The following RDX variants were observed in gnomAD, a reference collection of about 807,000 sequenced individuals.
RDX encodes deafness, autosomal recessive 24.
Under a neutral mutation model 83.7 loss-of-function variants are expected in RDX, and 32 were observed. The observed-to-expected ratio is 0.38, with a 90% confidence interval of 0.29 to 0.51. The LOEUF (loss-of-function observed/expected upper bound fraction) is 0.51, where lower values mean the gene tolerates loss of function less well. Among genes scored for constraint, RDX ranks in the 20% least tolerant of loss-of-function variants. The pLI, the probability that RDX is intolerant of heterozygous loss-of-function variation, is 0.87. For synonymous variants in RDX, 229 were observed against 222.7 expected (o/e 1.03, Z -0.25); for missense variants, 600 against 689.9 (o/e 0.87, Z 1.46).
At chr11:110,294,371 G>A (rs987503379) in intron 1 of RDX, among the ~76,000 whole-genome samples, 1 of 152,248 alleles carries the variant, frequency 6.6e-6, no homozygotes, top group African/African-American at 2.4e-5. Context: ...ATCACCCTGG[G>A]AGACAGAGCG....
At chr11:110,250,870 A>G (rs1859306457) in intron 9 of RDX, among the ~76,000 whole-genome samples, 3 of 152,232 alleles carry the variant, frequency 2.0e-5, no homozygotes, top group African/African-American at 7.2e-5. Flanking sequence ...CATTCAAATA[A>G]TACAAATGCC....
At position 110,231,112 on chromosome 11, in the gene RDX, C is replaced by CA. The variant is rs1864617707; in HGVS notation, c.*756_*757insT. 2 of 152,518 alleles carry CA rather than the reference C, an allele frequency of 1.3e-5. No individual in the cohort carries two copies. The highest frequency in any genetic ancestry group is 2.9e-5 in the Non-Finnish European group (2 of 68,060). 9.4% of individuals were successfully genotyped at this position (152,518 alleles called of 1,614,324 possible). A position where few individuals can be genotyped will look rare whatever the true frequency, so the allele number is the denominator to read the frequency against. ...TCTCCTAGGGAGCTACTACTGCTGTCTAAACCTCTGTGAAATGGTAGGCAA... is the reference window on the plus strand; with the variant it reads ...TCTCCTAGGGAGCTACTACTGCTGTCATAAACCTCTGTGAAATGGTAGGCAA... On this transcript the variant is annotated 3_prime_UTR_variant, in exon 14 of 14. Coordinates refer to ENST00000645495, the MANE Select transcript of RDX (RefSeq NM_002906.4).
chr11:110,247,806 TTTC>T lies in RDX; in HGVS notation c.984_986del (p.Lys329del), dbSNP rs772477286. ...CCTTTTCCTTTTCTGCTATTTCTCT[TTTC>T]TTCTTTTCATTCTCTAATTGTGCCC... is the stretch of plus-strand genomic sequence containing the variant. On this transcript the variant is annotated inframe_deletion, in exon 10 of 14. Transcript: ENST00000645495. The T allele has an allele frequency of 2.5e-6, 4 of 1,580,230 alleles. No individual in the cohort carries two copies. The highest frequency in any genetic ancestry group is 1.7e-6 in the Non-Finnish European group (2 of 1,162,294).
intron 3 of RDX, among the ~76,000 whole-genome samples, chr11:110,266,328 G>T (rs1297159321): frequency 1.3e-5 from 2 of 151,200 alleles, no homozygotes; most frequent in Non-Finnish European, 2.9e-5. Context: ...GCAAGACTCC[G>T]TCTCAAAAAA....
At chr11:110,199,449 T>C in intron 15 of RDX, 2 of 619,968 alleles carry the variant, frequency 3.2e-6, no homozygotes, top group East Asian at 2.8e-5. Flanking sequence ...TCCTTTGACT[T>C]GAAATCCACA....
intron 14 of RDX, among the ~76,000 whole-genome samples, chr11:110,200,888 A>C (rs921394326): frequency 2.0e-5 from 3 of 152,192 alleles, no homozygotes; most frequent in African/African-American, 4.8e-5. Flanking sequence ...TCTGGCTGGC[A>C]CTTTATTGTA....
At position 110,233,254 on chromosome 11, in the gene RDX, C is replaced by T; in HGVS notation, c.1570G>A (p.Val524Ile). The T allele has an allele frequency of 1.9e-6, 3 of 1,613,290 alleles. No homozygotes were observed. Among genetic ancestry groups the T allele is most frequent in the South Asian group, 1.1e-5 (1 of 91,048 alleles). ...RVTETQKNER[V>I]KKQLQALSSE... ...TTAAATACCTGAAGTTGCTTCTTAA[C>T]ACGCTCATTTTTCTGTGTTTCGGTT... Residue 524 changes from valine (V) to isoleucine (I), a missense_variant, in exon 13 of 14, where the codon GTT becomes ATT. Coordinates refer to ENST00000645495, the MANE Select transcript of RDX (RefSeq NM_002906.4).
chr11:110,242,063 G>A (rs1865119248), intron 10 of RDX, among the ~76,000 whole-genome samples: 1 of 152,136 alleles, frequency 6.6e-6, no homozygotes, highest in South Asian at 2.1e-4. Flanking sequence ...CAGAGTTTTA[G>A]TTTTACAAGA....
chr11:110,272,987 A>C (rs1860364675), intron 2 of RDX: 1 of 456,950 alleles, frequency 2.2e-6, no homozygotes, highest in Admixed American at 2.3e-5. Context: ...AGCACTTTGG[A>C]AGGCCAAGGT....
intron 14 of RDX, among the ~76,000 whole-genome samples, chr11:110,204,296 C>T (rs904108516): frequency 6.6e-6 from 1 of 150,618 alleles, no homozygotes; most frequent in African/African-American, 2.4e-5. Flanking sequence ...ATTCTCTACA[C>T]CAGCCAGAAA....
chr11:110,226,670 A>G (rs1210568399), downstream of RDX, among the ~76,000 whole-genome samples: 2 of 152,318 alleles, frequency 1.3e-5, no homozygotes, highest in South Asian at 2.1e-4. Flanking sequence ...ATTCAACTGT[A>G]AACTTTTAAC....
At chr11:110,280,884 G>GCTGGGCATGGTGGCT (rs1860734747) in intron 1 of RDX, among the ~76,000 whole-genome samples, 1 of 152,028 alleles carries the variant, frequency 6.6e-6, no homozygotes. Flanking sequence ...CATAACTAAG[G>GCTGGGCATGGTGGCT]CTGGGCATGG....
rs1859913572 is a variant in RDX at position 110,263,965 on chromosome 11, G to A, written c.462C>T (p.Pro154=). Residue 154 remains proline (P), a synonymous_variant, in exon 5 of 14, where the codon CCC becomes CCT. Transcript: ENST00000645495. The part of the protein sequence containing the change: ...PGYLANDRLL[P]QRVLEQHKLT... Reference sequence around the variant, plus strand: ...CAAACGCATGTTTCACTTACCGCTGGGGTAGGAGTCTATCATTAGCCAGGT... The same window carrying A: ...CAAACGCATGTTTCACTTACCGCTGAGGTAGGAGTCTATCATTAGCCAGGT... The A allele has an allele frequency of 1.9e-6, 3 of 1,613,170 alleles. No individual in the cohort carries two copies. Among genetic ancestry groups the A allele is most frequent in the African/African-American group, 1.3e-5 (1 of 74,994 alleles).
At chr11:110,193,187 T>TA (rs146628542) in intron 15 of RDX, among the ~76,000 whole-genome samples, 3 of 152,080 alleles carry the variant, frequency 2.0e-5, no homozygotes, top group African/African-American at 4.8e-5. Context: ...TATGCAGCCA[T>TA]AAAAAAGAAT....
At chr11:110,225,056 T>C (rs1017209468), downstream of RDX, among the ~76,000 whole-genome samples, 2 of 152,256 alleles carry the variant, frequency 1.3e-5, no homozygotes, top group Admixed American at 1.3e-4. Context: ...TTTATCATCC[T>C]ACAGTCAATG....
intron 15 of RDX, chr11:110,179,809 T>C (rs1269196236): frequency 5.2e-6 from 2 of 384,678 alleles, no homozygotes; most frequent in Non-Finnish European, 1.0e-5. Context: ...CAAGGTTAAG[T>C]TGTACCTGCA....
intron 7 of RDX, among the ~76,000 whole-genome samples, chr11:110,257,299 C>T (rs1236973622): frequency 6.6e-6 from 1 of 151,882 alleles, no homozygotes; most frequent in Non-Finnish European, 1.5e-5. Context: ...AATGTCCAAA[C>T]ATATTTAAAA....
chr11:110,278,210 A>G (rs1860594390), intron 2 of RDX, among the ~76,000 whole-genome samples: 1 of 147,506 alleles, frequency 6.8e-6, no homozygotes, highest in South Asian at 2.2e-4. Flanking sequence ...AAACCTTGAA[A>G]TCCAGGAGTG....
intron 15 of RDX, among the ~76,000 whole-genome samples, chr11:110,189,669 A>G (rs1013968070): frequency 1.3e-5 from 2 of 152,242 alleles, no homozygotes; most frequent in African/African-American, 4.8e-5. Flanking sequence ...CTAGAACTAC[A>G]GTGGAAGAAA....
Sources: gnomAD v4.1 joint callset for allele counts (sites outside exome capture counted in the v4.1 genomes callset) on GRCh38, gnomAD v4.1.1 for gene constraint, MANE v1.5 for transcripts, NCBI Gene and HGNC (gene_info 2026-07-23, HGNC 2026-07-21) for gene names.